The following FGD1 variants were observed in gnomAD, a reference collection of about 807,000 sequenced individuals.
FGD1 encodes FYVE, RhoGEF and PH domain containing 1, also known as FYVE, RhoGEF and PH domain-containing protein 1.
In FGD1, 12 loss-of-function variants were observed where a neutral mutation model predicts 65.0. That is an observed-to-expected ratio of 0.18 (90% CI 0.12 to 0.30). The LOEUF (loss-of-function observed/expected upper bound fraction) is 0.30, where lower values mean the gene tolerates loss of function less well. Among genes scored for constraint, FGD1 ranks in the 10% least tolerant of loss-of-function variants. The probability of loss-of-function intolerance (pLI) is 1.00; values close to 1 mark genes in which losing one functional copy is unlikely to be tolerated. For synonymous variants in FGD1, 333 were observed against 343.9 expected (o/e 0.97, Z 0.35); for missense variants, 542 against 837.6 (o/e 0.65, Z 4.36).
Position 54,495,751 on chromosome X carries a change from G to A in FGD1, c.-319C>T, listed in dbSNP as rs1231538314. 2 of 112,211 alleles carry A rather than the reference G, an allele frequency of 1.8e-5. No homozygotes were observed. Among genetic ancestry groups the A allele is most frequent in the Non-Finnish European group, 3.7e-5 (2 of 53,485 alleles). 9.2% of individuals were successfully genotyped at this position (112,211 alleles called of 1,213,427 possible). A position where few individuals can be genotyped will look rare whatever the true frequency, so the allele number is the denominator to read the frequency against. On this transcript the variant is annotated 5_prime_UTR_variant, in exon 1 of 18. Transcript: ENST00000375135. ...GCCCGCTGGGGAGCGCTGTCTATGC[G>A]GCTGCGGTTGGGCGAGGGTTGGAGG... is the stretch of plus-strand genomic sequence containing the variant.
chrX:54,496,056 G>C lies in FGD1; in HGVS notation c.-624C>G, dbSNP rs932647631. 1 of 112,106 alleles carries C rather than the reference G, an allele frequency of 8.9e-6. No homozygotes were observed. The highest frequency in any genetic ancestry group is 3.2e-5 in the African/African-American group (1 of 30,886). The allele number at this position is 112,106 out of a possible 1,213,427, so 9.2% of individuals were successfully genotyped here. A position where few individuals can be genotyped will look rare whatever the true frequency, so the allele number is the denominator to read the frequency against. On this transcript the variant is annotated 5_prime_UTR_variant, in exon 1 of 18. Coordinates refer to ENST00000375135, the MANE Select transcript of FGD1 (RefSeq NM_004463.3). ...CTGCGGGGCTCGCCTTCAGCCAGTAGTCCCAGACGATGCTCCAGCCGCGGG... is the reference window on the plus strand; with the variant it reads ...CTGCGGGGCTCGCCTTCAGCCAGTACTCCCAGACGATGCTCCAGCCGCGGG...
chrX:54,469,902 G>A (rs888773013), intron 4 of FGD1, 114 bp downstream of exon 4: 7 of 664,580 alleles, frequency 1.1e-5, no homozygotes, highest in African/African-American at 2.1e-5. Context: ...GTGTCACAGA[G>A]CTTGGAAACA....
chrX:54,484,176 C>G (rs967682299), intron 1 of FGD1, among the ~76,000 whole-genome samples: 3 of 112,080 alleles, frequency 2.7e-5, no homozygotes, highest in African/African-American at 6.5e-5. Context: ...ATGTTGTTCC[C>G]GTGACCCGAA....
chrX:54,470,714 T>TGGGGGGGGGGGGGGGGGGCCCCGGG lies in FGD1; in HGVS notation c.527_528insCCCGGGGCCCCCCCCCCCCCCCCCC (p.Leu177ProfsTer48). The TGGGGGGGGGGGGGGGGGGCCCCGGG allele has an allele frequency of 5.3e-6, 1 of 187,785 alleles. No individual in the cohort carries two copies. The highest frequency in any genetic ancestry group is 8.1e-6 in the Non-Finnish European group (1 of 123,084). The allele number at this position is 187,785 out of a possible 1,213,427, so 15.5% of individuals were successfully genotyped here. ...ATGGTGGAGGGGGGATGGGCTCCAGTGGGGGGGGCATCCGGGGCATCTGCA... is the reference window on the plus strand; with the variant it reads ...ATGGTGGAGGGGGGATGGGCTCCAGTGGGGGGGGGGGGGGGGGGCCCCGGGGGGGGGGGCATCCGGGGCATCTGCA... On this transcript the variant is annotated frameshift_variant, in exon 3 of 18. Coordinates refer to ENST00000375135, the MANE Select transcript of FGD1 (RefSeq NM_004463.3). LOFTEE classifies it high-confidence loss of function.
intron 1 of FGD1, among the ~76,000 whole-genome samples, chrX:54,480,126 C>T (rs1451588139): frequency 8.8e-6 from 1 of 113,000 alleles, no homozygotes; most frequent in East Asian, 2.8e-4. Flanking sequence ...AGCTTCCTAA[C>T]TCTTTCGAGT....
intron 12 of FGD1, among the ~76,000 whole-genome samples, chrX:54,455,240 A>C: frequency 8.9e-6 from 1 of 112,299 alleles, no homozygotes; most frequent in Middle Eastern, 4.6e-3. Flanking sequence ...CAGGAGTGCC[A>C]CCTTTCCCCA....
At chrX:54,461,534 G>A (rs1378455886) in intron 8 of FGD1, among the ~76,000 whole-genome samples, 1 of 100,979 alleles carries the variant, frequency 9.9e-6, no homozygotes, top group Non-Finnish European at 2.0e-5. Flanking sequence ...CAGGGAGGCG[G>A]AGGTTGCCGT....
rs1433386330 is a variant in FGD1 at position 54,446,334 on chromosome X, C to G, written c.2661G>C (p.Arg887Ser). ...PPEAGERPDR[R>S]HVFKITQSHL... is the part of the protein sequence containing the mutation. ...GGCTCTGGGTGATCTTGAAGACATG[C>G]CTTCTGTCAGGCCGCTCCCCTGCCT... The change falls in exon 18 of 18, where the codon AGG becomes AGC. Residue 887 changes from arginine to serine, a missense_variant. This residue lies in a region of FGD1 where 182 missense variants were observed against 311.4 expected (regional missense o/e 0.58). Transcript: ENST00000375135. The G allele has an allele frequency of 1.1e-5, 13 of 1,209,817 alleles. No homozygotes were observed. Among genetic ancestry groups the G allele is most frequent in the East Asian group, 3.0e-5 (1 of 33,765 alleles).
intron 1 of FGD1, among the ~76,000 whole-genome samples, chrX:54,472,409 A>G (rs1297672831): frequency 1.8e-5 from 2 of 112,007 alleles, no homozygotes; most frequent in Non-Finnish European, 1.9e-5. Flanking sequence ...ACACACGTGC[A>G]ACATCCAGAG....
At chrX:54,471,078 A>G (rs1243994851) in intron 2 of FGD1, among the ~76,000 whole-genome samples, 2 of 110,073 alleles carry the variant, frequency 1.8e-5, no homozygotes, top group African/African-American at 6.6e-5. Context: ...CCCCTTCCAC[A>G]AACACCAATC....
At chrX:54,451,472 A>G (rs911967447) in intron 12 of FGD1, among the ~76,000 whole-genome samples, 1 of 108,265 alleles carries the variant, frequency 9.2e-6, no homozygotes, top group African/African-American at 3.4e-5. Context: ...TTCAGTAGAG[A>G]CGGGGTTTTG....
At chrX:54,491,681 G>A (rs925518176) in intron 1 of FGD1, among the ~76,000 whole-genome samples, 1 of 112,280 alleles carries the variant, frequency 8.9e-6, no homozygotes, top group African/African-American at 3.2e-5. Flanking sequence ...AGGAGCTTTT[G>A]AAAATAGGTT....
chrX:54,485,002 G>C (rs1238302810), intron 1 of FGD1, among the ~76,000 whole-genome samples: 1 of 113,150 alleles, frequency 8.8e-6, no homozygotes, highest in Non-Finnish European at 1.9e-5. Flanking sequence ...AGCCCCACCT[G>C]GGCCCTCCCC....
intron 8 of FGD1, among the ~76,000 whole-genome samples, chrX:54,464,226 T>C (rs1395028537): frequency 9.9e-6 from 1 of 101,045 alleles, no homozygotes; most frequent in African/African-American, 3.8e-5. Context: ...CTCCACCTCC[T>C]GGGTTCAAGC....
intron 1 of FGD1, among the ~76,000 whole-genome samples, chrX:54,477,219 AT>A (rs1490210294): frequency 8.9e-6 from 1 of 112,141 alleles, no homozygotes; most frequent in Non-Finnish European, 1.9e-5. Flanking sequence ...GGGGTGGGGT[AT>A]GCACCCTTCC....
intron 1 of FGD1, among the ~76,000 whole-genome samples, chrX:54,483,052 C>T (rs1923187801): frequency 8.9e-6 from 1 of 111,756 alleles, no homozygotes; most frequent in Non-Finnish European, 1.9e-5. Flanking sequence ...GATGACTTGC[C>T]CAAGGTCACG....
chrX:54,467,706 T>C (rs1233132481), intron 6 of FGD1, 78 bp downstream of exon 6: 47 of 1,034,236 alleles, frequency 4.5e-5, no homozygotes, highest in Non-Finnish European at 5.7e-5. Flanking sequence ...AGAAATGAAG[T>C]CTTGTGTACA....
chrX:54,482,773 G>A (rs1277246115), intron 1 of FGD1, among the ~76,000 whole-genome samples: 2 of 111,249 alleles, frequency 1.8e-5, no homozygotes, highest in Non-Finnish European at 3.8e-5. Context: ...GATGGACATA[G>A]AGGGAGATGG....
chrX:54,483,544 T>C (rs1041405759), intron 1 of FGD1, among the ~76,000 whole-genome samples: 3 of 112,328 alleles, frequency 2.7e-5, no homozygotes. Context: ...GCAGGGGCCA[T>C]GGGGAAGCGC....
Sources: allele counts gnomAD v4.1 joint callset (sites outside exome capture counted in the v4.1 genomes callset), GRCh38; gene constraint gnomAD v4.1.1; regional missense constraint gnomAD v4.1.1; transcripts MANE v1.5; gene names NCBI Gene and HGNC (gene_info 2026-07-23, HGNC 2026-07-21).